Variants in EVC2 observed in about 807,000 individuals in gnomAD.
The protein encoded by EVC2 is limbin.
In EVC2, 148 loss-of-function variants were observed where a neutral mutation model predicts 149.3. The ratio of observed to expected loss-of-function variants is 0.99; its 90% confidence interval spans 0.87 to 1.14. EVC2 has a LOEUF of 1.14. Among genes scored for constraint, EVC2 ranks in the 50% most tolerant of loss-of-function variants. EVC2 has a pLI of 0.00. For synonymous variants in EVC2, 776 were observed against 649.9 expected, an observed-to-expected ratio of 1.19 and a Z score of -2.95; for missense variants, 1,854 against 1,627.3, an observed-to-expected ratio of 1.14 and a Z score of -2.40.
chr4:5,558,919 G>A (rs998423981), downstream of EVC2, among the ~76,000 whole-genome samples: 3 of 152,194 alleles, frequency 2.0e-5, no homozygotes, highest in African/African-American at 7.2e-5. Flanking sequence ...AGGGCCAGGT[G>A]TGGTGGCTTA....
chr4:5,611,172 T>A (rs1714791010), intron 16 of EVC2, among the ~76,000 whole-genome samples: 1 of 152,146 alleles, frequency 6.6e-6, no homozygotes, highest in African/African-American at 2.4e-5. Flanking sequence ...AGGATGCCAG[T>A]GTGAACTAGG....
Position 5,614,908 on chromosome 4 carries a change from C to T in EVC2, c.2829+514G>A, listed in dbSNP as rs1037791398. Among the ~76,000 whole-genome samples, 1 of 150,506 alleles carries T rather than the reference C, an allele frequency of 6.6e-6. No individual in the cohort carries two copies. Among genetic ancestry groups the T allele is most frequent in the African/African-American group, 2.5e-5 (1 of 40,802 alleles). On this transcript the variant is annotated intron_variant, in intron 16 of 21. Coordinates refer to ENST00000344408, the MANE Select transcript of EVC2 (RefSeq NM_147127.5). This position sits in a 1 kb window ranked among gnomAD's most constrained non-coding sequence, Gnocchi z 4.7. ...AGAAGAATCACTTGAACCCAGGAGG[C>T]GGAGGTTGCAGTGAGCCGAGATCAC...
At chr4:5,590,499 T>G (rs1712692027) in intron 16 of EVC2, among the ~76,000 whole-genome samples, 1 of 151,458 alleles carries the variant, frequency 6.6e-6, no homozygotes, top group Non-Finnish European at 1.5e-5. Context: ...CCCTGAGCGC[T>G]AAACAGAAAC....
At chr4:5,706,393 CATAG>C (rs1280680864) in intron 1 of EVC2, among the ~76,000 whole-genome samples, 111 of 9,598 alleles carry the variant, frequency 0.012, 13 homozygotes, top group Non-Finnish European at 0.013. Flanking sequence ...TAGATAGATA[CATAG>C]ATAGATAGAT....
At chr4:5,650,634 TATATAGAGAGAGAG>T (rs1338817549) in intron 9 of EVC2, among the ~76,000 whole-genome samples, 13 of 58,208 alleles carry the variant, frequency 2.2e-4, no homozygotes, top group African/African-American at 3.1e-4. Flanking sequence ...TATATATATA[TATATAGAGAGAGAG>T]AGAGAGAGAG....
rs181485078 is a variant in EVC2 at position 5,665,698 on chromosome 4, T to A, written c.871-49A>T. ...GATTCATGTGTGGTCAGACAGCATG[T>A]CTCCCAGGCCTCACAGATGATTGAG... On this transcript the variant is annotated intron_variant, in intron 7 of 21. Transcript: ENST00000344408. The A allele has an allele frequency of 1.7e-3, 2,767 of 1,605,492 alleles. 10 individuals are homozygous for A. The highest frequency in any genetic ancestry group is 3.4e-3 in the South Asian group (300 of 89,488).
At chr4:5,675,257 G>C (rs1377920061) in intron 7 of EVC2, among the ~76,000 whole-genome samples, 1 of 152,122 alleles carries the variant, frequency 6.6e-6, no homozygotes, top group Admixed American at 6.5e-5. Flanking sequence ...CCTAAATCCA[G>C]TTTTCTCCAG....
rs530937415 is a variant in EVC2 at position 5,685,453 on chromosome 4, C to A, written c.733G>T (p.Ala245Ser). The A allele has an allele frequency of 2.0e-5, 32 of 1,614,030 alleles. 1 individual carries two copies. Among genetic ancestry groups the A allele is most frequent in the Non-Finnish European group, 2.5e-5 (29 of 1,180,024 alleles). ...QVGDAFAVSYAATLQAGDLGN... is the reference protein window; with the variant it reads ...QVGDAFAVSYSATLQAGDLGN... The stretch of plus-strand genomic sequence containing the variant: ...AGGTCTCCAGCCTGGAGCGTGGCTG[C>A]GTAGCTGACAGCAAAGGCATCTCCC... Residue 245 changes from alanine (A) to serine (S), a missense_variant, in exon 6 of 22, where the codon GCA becomes TCA. Transcript: ENST00000344408.
intron 20 of EVC2, among the ~76,000 whole-genome samples, chr4:5,565,598 A>G (rs942911897): frequency 6.6e-6 from 1 of 150,876 alleles, no homozygotes; most frequent in Non-Finnish European, 1.5e-5. Context: ...GCTTGAACCC[A>G]GGAGGCGGAG....
chr4:5,667,864 T>A, intron 7 of EVC2, among the ~76,000 whole-genome samples: 1 of 152,216 alleles, frequency 6.6e-6, no homozygotes, highest in East Asian at 1.9e-4. Flanking sequence ...CAGCATAAAC[T>A]ATACTACATG....
intron 9 of EVC2, among the ~76,000 whole-genome samples, chr4:5,662,692 A>G (rs866954054): frequency 1.7e-4 from 25 of 147,138 alleles, no homozygotes; most frequent in Middle Eastern, 3.6e-3. Context: ...TATTAAATAT[A>G]ATTATTAAAA....
At chr4:5,560,412 G>T (rs983884370), downstream of EVC2, among the ~76,000 whole-genome samples, 2 of 152,184 alleles carry the variant, frequency 1.3e-5, no homozygotes, top group Non-Finnish European at 2.9e-5. The surrounding 1 kb of genome is among the most constrained non-coding windows in gnomAD (Gnocchi z 4.1). Context: ...ATGGCAGAAG[G>T]CGAAGCGGAA....
At chr4:5,624,398 T>C (rs1715951158) in intron 13 of EVC2, among the ~76,000 whole-genome samples, 2 of 152,196 alleles carry the variant, frequency 1.3e-5, no homozygotes, top group African/African-American at 4.8e-5. Flanking sequence ...CCATAACCCA[T>C]GTTCATGGGT....
intron 1 of EVC2, among the ~76,000 whole-genome samples, chr4:5,698,909 C>G (rs1721653407): frequency 6.6e-6 from 1 of 152,236 alleles, no homozygotes; most frequent in South Asian, 2.1e-4. Flanking sequence ...CATGTGGCTA[C>G]TGTTCACATG....
intron 9 of EVC2, among the ~76,000 whole-genome samples, chr4:5,643,679 G>A (rs1246341748): frequency 6.6e-6 from 1 of 152,156 alleles, no homozygotes; most frequent in Non-Finnish European, 1.5e-5. Flanking sequence ...CCAGCACTTT[G>A]GGAGGCCAAG....
At chr4:5,661,064 T>C (rs866923677) in intron 9 of EVC2, among the ~76,000 whole-genome samples, 8 of 152,220 alleles carry the variant, frequency 5.3e-5, no homozygotes, top group Admixed American at 1.3e-4. Flanking sequence ...CATTACAGTT[T>C]ATTGTCATCT....
chr4:5,580,835 G>T (rs967792787), intron 17 of EVC2, among the ~76,000 whole-genome samples: 1 of 33,908 alleles, frequency 2.9e-5, no homozygotes, highest in Non-Finnish European at 6.5e-5. Flanking sequence ...AGTGTTGGAG[G>T]TGAGGCCTGC....
At chr4:5,562,268 C>T (rs73072225), downstream of EVC2, among the ~76,000 whole-genome samples, 379 of 152,206 alleles carry the variant, frequency 2.5e-3, no homozygotes, top group African/African-American at 7.6e-3. The surrounding 1 kb of genome is among the most constrained non-coding windows in gnomAD (Gnocchi z 4.3). Flanking sequence ...GGGAAGATAA[C>T]CCTGATTTGA....
rs150691722 is a variant in EVC2, at chr4:5,622,698, G to A, written c.2340C>T (p.His780=). ...CGGCCCGTGCAGCCATCTCCTTGCC[G>A]TGCTCCTCCAGGATCTGCTGCAGGA... ...WLFLQQILEE[H]GKEMAARAEQ... Residue 780 remains histidine (H), a synonymous_variant, in exon 14 of 22, where the codon CAC becomes CAT. Transcript: ENST00000344408. This position sits in a 1 kb window ranked among gnomAD's most constrained non-coding sequence, Gnocchi z 5.8. 7.1e-5 allele frequency: 114 copies of A among 1,614,030 alleles called. 1 individual carries two copies. Among genetic ancestry groups the A allele is most frequent in the South Asian group, 5.6e-4 (51 of 91,078 alleles).
Sources: gnomAD v4.1 joint callset for allele counts (sites outside exome capture counted in the v4.1 genomes callset) on GRCh38, gnomAD v4.1.1 for gene constraint, Gnocchi (gnomAD v3.1) non-coding constraint, MANE v1.5 for transcripts, NCBI Gene and HGNC (gene_info 2026-07-23, HGNC 2026-07-21) for gene names.